LRRC4C: variants seen among roughly 807,000 people sequenced by gnomAD.
LRRC4C encodes the protein leucine-rich repeat-containing protein 4C.
LRRC4C carries 5 observed loss-of-function variants against 33.6 expected under a neutral mutation model. That is an observed-to-expected ratio of 0.15 (90% CI 0.08 to 0.31). The LOEUF is 0.31. Among genes scored for constraint, LRRC4C ranks in the 10% least tolerant of loss-of-function variants. The pLI, the probability that LRRC4C is intolerant of heterozygous loss-of-function variation, is 1.00. For synonymous variants in LRRC4C, 329 were observed against 302.0 expected (o/e 1.09, Z -0.93); for missense variants, 560 against 796.7 (o/e 0.70, Z 3.58).
At chr11:40,948,850 T>C (rs1160481838) in intron 1 of LRRC4C, among the ~76,000 whole-genome samples, 2 of 151,606 alleles carry the variant, frequency 1.3e-5, no homozygotes, top group African/African-American at 2.4e-5. Context: ...GTCTTTATAG[T>C]AGCATGATTT....
intron 1 of LRRC4C, among the ~76,000 whole-genome samples, chr11:41,283,173 A>G (rs1949722980): frequency 6.6e-6 from 1 of 152,236 alleles, no homozygotes; most frequent in South Asian, 2.1e-4. Flanking sequence ...TCATTACAGC[A>G]ATGATATGCA....
At chr11:40,256,398 T>C (rs1396884326) in intron 4 of LRRC4C, among the ~76,000 whole-genome samples, 1 of 152,088 alleles carries the variant, frequency 6.6e-6, no homozygotes, top group Non-Finnish European at 1.5e-5. Context: ...GAAGAATATA[T>C]GTAAAAATCT....
chr11:41,412,314 T>C (rs1272369363), intron 1 of LRRC4C, among the ~76,000 whole-genome samples: 1 of 152,174 alleles, frequency 6.6e-6, no homozygotes, highest in Admixed American at 6.5e-5. Context: ...AAAAATATGT[T>C]TGGGGTCTTT....
intron 2 of LRRC4C, among the ~76,000 whole-genome samples, chr11:40,745,966 A>T (rs1290584841): frequency 6.6e-6 from 1 of 152,218 alleles, no homozygotes; most frequent in Non-Finnish European, 1.5e-5. Flanking sequence ...CTCCACTAAG[A>T]AGAAACAAAC....
At chr11:40,459,078 T>C (rs1383229898) in intron 3 of LRRC4C, among the ~76,000 whole-genome samples, 2 of 152,200 alleles carry the variant, frequency 1.3e-5, no homozygotes, top group Non-Finnish European at 2.9e-5. Flanking sequence ...TATTATGCTC[T>C]TCATGTTGAT....
intron 2 of LRRC4C, among the ~76,000 whole-genome samples, chr11:40,888,792 G>A (rs1460463518): frequency 6.6e-6 from 1 of 151,952 alleles, no homozygotes. Context: ...AGGTTCTCAT[G>A]TGTACATTTA....
chr11:40,338,503 A>C (rs757886622), intron 3 of LRRC4C, among the ~76,000 whole-genome samples: 13 of 152,192 alleles, frequency 8.5e-5, no homozygotes, highest in Non-Finnish European at 1.9e-4. Flanking sequence ...TTTCCAGAGG[A>C]CAGAAGTTTT....
intron 3 of LRRC4C, among the ~76,000 whole-genome samples, chr11:40,359,916 A>C (rs1015006371): frequency 6.6e-6 from 1 of 152,160 alleles, no homozygotes; most frequent in African/African-American, 2.4e-5. Flanking sequence ...AAGGGAAAAA[A>C]GTGAAATCCA....
chr11:40,411,789 C>T (rs1950164798), intron 3 of LRRC4C, among the ~76,000 whole-genome samples: 1 of 152,062 alleles, frequency 6.6e-6, no homozygotes, highest in East Asian at 1.9e-4. Context: ...TCCAGCCTAT[C>T]AGGAAATTCA....
intron 1 of LRRC4C, among the ~76,000 whole-genome samples, chr11:40,991,363 G>A (rs144271873): frequency 3.9e-5 from 6 of 152,192 alleles, no homozygotes; most frequent in South Asian, 2.1e-4. Context: ...AATCAGGCAT[G>A]AGTAAAAGAT....
rs79851720 is a variant in LRRC4C, at chr11:40,416,146, A to C, written c.-269-96425T>G. On this transcript the variant is annotated intron_variant, in intron 3 of 6. Coordinates refer to ENST00000528697, the MANE Select transcript of LRRC4C (RefSeq NM_001258419.2). ...AAGAGAGGGAAAACCTTCATAATTC[A>C]ATACCTTCAACAATGCTTTTGTTTT... is the stretch of plus-strand genomic sequence containing the variant. Among the ~76,000 whole-genome samples the C allele has an allele frequency of 9.5e-3, 1,452 of 152,282 alleles. 23 individuals are homozygous for C. Among genetic ancestry groups the C allele is most frequent in the African/African-American group, 0.033 (1,361 of 41,552 alleles).
chr11:40,868,985 A>G (rs1954503103), intron 2 of LRRC4C, among the ~76,000 whole-genome samples: 1 of 152,142 alleles, frequency 6.6e-6, no homozygotes, highest in African/African-American at 2.4e-5. Flanking sequence ...TAGAAACACT[A>G]ATAACATTAG....
chr11:40,215,902 G>A (rs1863939114), intron 5 of LRRC4C, among the ~76,000 whole-genome samples: 1 of 152,134 alleles, frequency 6.6e-6, no homozygotes, highest in Admixed American at 6.6e-5. Flanking sequence ...AAGCCCAAAG[G>A]CCAAAGAACA....
At chr11:41,325,572 T>TC (rs1565582772) in intron 1 of LRRC4C, among the ~76,000 whole-genome samples, 2 of 96,348 alleles carry the variant, frequency 2.1e-5, no homozygotes, top group African/African-American at 3.4e-5. Context: ...TATAGTTTTT[T>TC]TTTTTTGTGT....
intron 2 of LRRC4C, among the ~76,000 whole-genome samples, chr11:40,931,255 C>T (rs965252248): frequency 6.6e-6 from 1 of 152,134 alleles, no homozygotes; most frequent in African/African-American, 2.4e-5. Flanking sequence ...TGTTCAAACT[C>T]CTAAAACAGC....
intron 1 of LRRC4C, among the ~76,000 whole-genome samples, chr11:40,995,095 G>A (rs1853874024): frequency 6.6e-6 from 1 of 152,122 alleles, no homozygotes; most frequent in Non-Finnish European, 1.5e-5. Flanking sequence ...ACAACTTAAT[G>A]TGTGTTTTTG....
chr11:40,417,706 A>G (rs1323483843), intron 3 of LRRC4C, among the ~76,000 whole-genome samples: 1 of 151,964 alleles, frequency 6.6e-6, no homozygotes, highest in Non-Finnish European at 1.5e-5. Context: ...TCATTCATCC[A>G]TTTATTTATT....
At chr11:40,712,864 A>G (rs79389309) in intron 2 of LRRC4C, among the ~76,000 whole-genome samples, 22,209 of 151,802 alleles carry the variant, frequency 0.15, 1,709 homozygotes, top group South Asian at 0.18. Flanking sequence ...GTTATTTCAT[A>G]TAAGTTCCTT....
intron 1 of LRRC4C, among the ~76,000 whole-genome samples, chr11:40,990,175 A>C (rs1017518376): frequency 6.8e-6 from 1 of 146,528 alleles, no homozygotes; most frequent in African/African-American, 2.5e-5. Context: ...CTACAACTGG[A>C]CCACTATCAG....
Sources: gnomAD v4.1 joint callset for allele counts (sites outside exome capture counted in the v4.1 genomes callset) on GRCh38, gnomAD v4.1.1 for gene constraint, MANE v1.5 for transcripts, NCBI Gene and HGNC (gene_info 2026-07-23, HGNC 2026-07-21) for gene names.